Variants in DMBT1 observed in about 807,000 individuals in gnomAD.
DMBT1 encodes deleted in malignant brain tumors 1.
A neutral mutation model predicts 252.9 loss-of-function variants in DMBT1; 198 were observed. That is an observed-to-expected ratio of 0.78 (90% confidence interval 0.70 to 0.88). The LOEUF (loss-of-function observed/expected upper bound fraction) is 0.88. Among genes scored for constraint, DMBT1 ranks in the 40% least tolerant of loss-of-function variants. The pLI is 0.00. For missense variants in DMBT1, 2,432 were observed against 2,404.7 expected (o/e 1.01, Z -0.24); for synonymous variants, 990 against 942.7 (o/e 1.05, Z -0.92).
chr10:122,634,010 A>T (rs2098188792), intron 52 of DMBT1, among the ~76,000 whole-genome samples: 1 of 152,052 alleles, frequency 6.6e-6, no homozygotes, highest in African/African-American at 2.4e-5. Context: ...GGTGGCCTGC[A>T]CCTGTAGTCC....
intron 2 of DMBT1, 96 bp from the exon 3 acceptor site, chr10:122,570,066 G>A (rs1257386295): frequency 8.7e-7 from 1 of 1,155,556 alleles, no homozygotes; most frequent in Non-Finnish European, 1.3e-6. Context: ...CTTAGGCCCT[G>A]GCTTCCAGTT....
chr10:122,575,835 C>A (rs961927131), intron 6 of DMBT1, among the ~76,000 whole-genome samples: 2 of 152,144 alleles, frequency 1.3e-5, no homozygotes, highest in African/African-American at 4.8e-5. Context: ...TCTCCAAGAG[C>A]CTGTGTGCTT....
rs2098110392 is a variant in DMBT1, at chr10:122,625,310, C to T, written c.5635+7C>T. 1 of 1,609,562 alleles carries T rather than the reference C, an allele frequency of 6.2e-7. No individual in the cohort carries two copies. ...ATAAATTCTACTACGACAGGTGAGT[C>T]TGCTACACCCCAGTCCAGCAATATT... On this transcript the variant is annotated splice_region_variant and intron_variant, in intron 45 of 55. Coordinates refer to ENST00000338354, the MANE Select transcript of DMBT1 (RefSeq NM_001377530.1).
At chr10:122,598,470 C>T (rs1473568463) in intron 25 of DMBT1, among the ~76,000 whole-genome samples, 3 of 152,154 alleles carry the variant, frequency 2.0e-5, no homozygotes, top group African/African-American at 7.2e-5. Context: ...TCTGGCCTGC[C>T]TACTGTAGCT....
At chr10:122,617,204 T>C (rs1243535966) in intron 39 of DMBT1, 24 bp from the exon 40 acceptor site, 1 of 1,607,426 alleles carries the variant, frequency 6.2e-7, no homozygotes, top group South Asian at 1.1e-5. Flanking sequence ...TAATTCTGTC[T>C]TTTTTCTTTG....
rs576815460 is a variant in DMBT1, at chr10:122,643,345, C to G, written c.7576C>G (p.Leu2526Val). ...GSYQEKVDVV[L>V]GPIQLQTPPR... The stretch of plus-strand genomic sequence containing the variant: ...CTACCAGGAAAAGGTGGACGTCGTC[C>G]TGGGTCCCATCCAGCTGCAGACCCC... The change falls in exon 56 of 56, where the codon CTG (leucine) becomes GTG (valine). Residue 2526 changes from leucine to valine, a missense_variant. Coordinates refer to ENST00000338354, the MANE Select transcript of DMBT1 (RefSeq NM_001377530.1). 2.5e-4 allele frequency: 401 copies of G among 1,613,986 alleles called. 7 individuals are homozygous for G. In the South Asian group the frequency reaches 4.3e-3, roughly 17 times the overall value.
rs1232428280 is a variant in DMBT1, at chr10:122,643,248, G to A, written c.7479G>A (p.Val2493=). ...TGTACCTGCGTTGTAAAATGGTGGT[G>A]TGCAGAGCGTATGACCCCTCTTCCC... ...PSVYLRCKMV[V]CRAYDPSSRC... is the part of the protein sequence containing the mutation. The change falls in exon 56 of 56, where the codon GTG becomes GTA. Residue 2493 remains valine (V), a synonymous_variant. Transcript: ENST00000338354. The A allele has an allele frequency of 5.6e-6, 9 of 1,613,854 alleles. No individual in the cohort carries two copies. The highest frequency in any genetic ancestry group is 6.8e-6 in the Non-Finnish European group (8 of 1,179,896).
intron 25 of DMBT1, among the ~76,000 whole-genome samples, 170 bp from the exon 26 acceptor site, chr10:122,598,594 AATAGGGTGTC>A (rs2097907998): frequency 6.6e-6 from 1 of 152,194 alleles, no homozygotes. Context: ...ACCCAGGCAG[AATAGGGTGTC>A]ACTGCTTCTT....
chr10:122,619,183 T>A (rs778616497), intron 41 of DMBT1, 125 bp from the exon 42 acceptor site: 11 of 1,249,768 alleles, frequency 8.8e-6, no homozygotes, highest in Non-Finnish European at 1.2e-5. Flanking sequence ...GCAATGCCCC[T>A]CCCTCTGTGA....
chr10:122,598,652 T>G (rs771371069), intron 25 of DMBT1, 122 bp from the exon 26 acceptor site: 60 of 1,557,944 alleles, frequency 3.9e-5, no homozygotes, highest in Non-Finnish European at 4.9e-5. Context: ...TTTATTCATA[T>G]TCAAAGGTGA....
At chr10:122,572,986 G>C (rs2097678836) in intron 5 of DMBT1, among the ~76,000 whole-genome samples, 1 of 152,232 alleles carries the variant, frequency 6.6e-6, no homozygotes, top group Admixed American at 6.5e-5. Flanking sequence ...GCAAGTCCCA[G>C]TGCTGATTTC....
At position 122,597,994 on chromosome 10, in the gene DMBT1, T is replaced by C. The variant is rs1334665735; in HGVS notation, c.2938T>C (p.Leu980=). ...PSPDTLPTIT[L]PASTVGSESS... is the part of the protein sequence containing the mutation. ...TACAGACACATTGCCGACCATCACCTTGCCTGCATCGACAGTAGGTAAATA... is the reference window on the plus strand; with the variant it reads ...TACAGACACATTGCCGACCATCACCCTGCCTGCATCGACAGTAGGTAAATA... Residue 980 remains leucine, a synonymous_variant, in exon 25 of 56, where the codon TTG becomes CTG. Transcript: ENST00000338354. 6.2e-7 allele frequency: 1 copy of C among 1,613,810 alleles called. No homozygotes were observed. Among genetic ancestry groups the C allele is most frequent in the African/African-American group, 1.3e-5 (1 of 74,896 alleles).
At chr10:122,634,054 T>G (rs2098189249) in intron 52 of DMBT1, among the ~76,000 whole-genome samples, 1 of 152,174 alleles carries the variant, frequency 6.6e-6, no homozygotes, top group African/African-American at 2.4e-5. Context: ...GGAGAATCGC[T>G]AGAGCCCTGG....
Position 122,565,971 on chromosome 10 carries a change from G to A in DMBT1, c.66G>A (p.Gly22=). Residue 22 remains glycine, a synonymous_variant, in exon 2 of 56, where the codon GGG becomes GGA. Transcript: ENST00000338354. ...LLWGQVLSTG[G]WIPRTTDYAS... ...ACGAATTTGTGTTCTTTCCAGGTGG[G>A]TGGATCCCAAGGACTACAGACTACG... 6.2e-7 allele frequency: 1 copy of A among 1,613,980 alleles called. No homozygotes were observed. The highest frequency in any genetic ancestry group is 8.5e-7 in the Non-Finnish European group (1 of 1,179,846).
intron 44 of DMBT1, among the ~76,000 whole-genome samples, chr10:122,621,829 G>C (rs990437209): frequency 5.9e-5 from 9 of 152,212 alleles, no homozygotes; most frequent in Non-Finnish European, 5.9e-5. Flanking sequence ...ATTTGGATTG[G>C]AGGCATATGG....
rs535777489 is a variant in DMBT1 at position 122,580,310 on chromosome 10, G to A, written c.1003+409G>A. Among the ~76,000 whole-genome samples the A allele has an allele frequency of 1.1e-4, 17 of 152,342 alleles. No individual in the cohort carries two copies. In the South Asian group the frequency reaches 3.5e-3, roughly 32 times the overall value. On this transcript the variant is annotated intron_variant, in intron 10 of 55. Coordinates refer to ENST00000338354, the MANE Select transcript of DMBT1 (RefSeq NM_001377530.1). ...CTTGGCTAAAAGTGGGTTCTCAGCTGAGACCCAGTGAGGAGGTCTGGAAAT... is the reference window on the plus strand; with the variant it reads ...CTTGGCTAAAAGTGGGTTCTCAGCTAAGACCCAGTGAGGAGGTCTGGAAAT...
rs1400029716 is a variant in DMBT1 at position 122,598,853 on chromosome 10, C to T, written c.3036C>T (p.Gly1012=). The part of the protein sequence containing the change: ...CQGRVEVLYQ[G]SWGTVCDDSW... ...GCCGAGTGGAGGTCCTATACCAAGG[C>T]TCCTGGGGCACCGTGTGCGATGACA... The change falls in exon 26 of 56, where the codon GGC becomes GGT. Residue 1012 remains glycine, a synonymous_variant. Transcript: ENST00000338354. The T allele has an allele frequency of 1.9e-6, 3 of 1,613,792 alleles. No homozygotes were observed. Among genetic ancestry groups the T allele is most frequent in the Non-Finnish European group, 2.5e-6 (3 of 1,179,772 alleles).
At chr10:122,628,177 C>G (rs1344838425) in intron 46 of DMBT1, among the ~76,000 whole-genome samples, 1 of 152,148 alleles carries the variant, frequency 6.6e-6, no homozygotes, top group Non-Finnish European at 1.5e-5. Context: ...GGTATATACC[C>G]AGGAGAAATG....
At chr10:122,574,115 G>T (rs558633583) in intron 6 of DMBT1, among the ~76,000 whole-genome samples, 2 of 152,292 alleles carry the variant, frequency 1.3e-5, no homozygotes, top group Admixed American at 1.3e-4. Flanking sequence ...GGGCCTTGAG[G>T]GTCAGGTGCC....
Sources: gnomAD v4.1 joint callset for allele counts (sites outside exome capture counted in the v4.1 genomes callset) on GRCh38, gnomAD v4.1.1 for gene constraint, MANE v1.5 for transcripts, NCBI Gene and HGNC (gene_info 2026-07-23, HGNC 2026-07-21) for gene names.